HIP1: variants seen among roughly 807,000 people sequenced by gnomAD.
HIP1 encodes huntingtin interacting protein 1.
A neutral mutation model predicts 147.6 loss-of-function variants in HIP1; 65 were observed. That is an observed-to-expected ratio of 0.44 (90% CI 0.36 to 0.54). The LOEUF is 0.54. Among genes scored for constraint, HIP1 ranks in the 20% least tolerant of loss-of-function variants. HIP1 has a pLI of 0.00. For synonymous variants in HIP1, 479 were observed against 504.0 expected (o/e 0.95, Z 0.67); for missense variants, 1,061 against 1,299.6 (o/e 0.82, Z 2.82).
At chr7:75,612,176 T>G (rs807877) in intron 1 of HIP1, among the ~76,000 whole-genome samples, 1,739 of 152,186 alleles carry the variant, frequency 0.011, 20 homozygotes, top group Non-Finnish European at 0.014. Flanking sequence ...AAGGAAAACC[T>G]GAGAACAGGC....
At chr7:75,729,973 G>A (rs182991585) in intron 1 of HIP1, among the ~76,000 whole-genome samples, 296 of 152,234 alleles carry the variant, frequency 1.9e-3, no homozygotes, top group Non-Finnish European at 3.3e-3. Flanking sequence ...TCAACAGAAT[G>A]CGGCTGTGAG....
At chr7:75,693,582 A>T (rs1469893465) in intron 1 of HIP1, among the ~76,000 whole-genome samples, 1 of 152,118 alleles carries the variant, frequency 6.6e-6, no homozygotes, top group Non-Finnish European at 1.5e-5. Context: ...TAACAGACTA[A>T]AATGATTTTC....
intron 1 of HIP1, among the ~76,000 whole-genome samples, chr7:75,645,666 A>T (rs1798777972): frequency 6.6e-6 from 1 of 152,228 alleles, no homozygotes; most frequent in African/African-American, 2.4e-5. Flanking sequence ...ACTATTCACA[A>T]TAGTAAAGAC....
At chr7:75,585,540 G>A (rs1554499416) in intron 5 of HIP1, among the ~76,000 whole-genome samples, 3 of 151,660 alleles carry the variant, frequency 2.0e-5, no homozygotes, top group African/African-American at 2.4e-5. Flanking sequence ...ACCAGAGCCC[G>A]GTCCTCCCTC....
rs782338489 is a variant in HIP1, at chr7:75,563,243, C to A, written c.824G>T (p.Arg275Leu). Residue 275 changes from arginine (R) to leucine (L), a missense_variant, in exon 10 of 31, where the codon CGC becomes CTC. Physicochemically the swap from Arg to Leu is moderately radical, Grantham distance 102 (BLOSUM62 -2). Coordinates refer to ENST00000336926, the MANE Select transcript of HIP1 (RefSeq NM_005338.7). ...CTTGAAGTACTGCAGGTTGCTGGAG[C>A]GGTAGAACAGATCTTTCAACCTAGG... ...QFTKLKDLFY[R>L]SSNLQYFKRL... 1 of 1,614,130 alleles carries A rather than the reference C, an allele frequency of 6.2e-7. No homozygotes were observed.
intron 14 of HIP1, among the ~76,000 whole-genome samples, chr7:75,559,100 G>A (rs587741364): frequency 2.0e-5 from 3 of 152,254 alleles, no homozygotes; most frequent in Admixed American, 2.0e-4. Context: ...TTCTATGGGG[G>A]CTTTCAGCTT....
At chr7:75,667,536 A>G (rs1799598962) in intron 1 of HIP1, among the ~76,000 whole-genome samples, 1 of 152,198 alleles carries the variant, frequency 6.6e-6, no homozygotes, top group African/African-American at 2.4e-5. Flanking sequence ...CCCAGGCTGG[A>G]GGGCACTGGT....
intron 7 of HIP1, among the ~76,000 whole-genome samples, chr7:75,575,258 C>T (rs1185526858): frequency 1.3e-5 from 2 of 151,940 alleles, no homozygotes; most frequent in East Asian, 2.0e-4. Context: ...GTCAGTAGTT[C>T]GAGACCAGCC....
intron 1 of HIP1, among the ~76,000 whole-genome samples, chr7:75,669,669 T>C (rs575578708): frequency 1.3e-5 from 2 of 152,354 alleles, no homozygotes; most frequent in East Asian, 3.9e-4. Context: ...TCTGTCTCCA[T>C]GGATTTACCT....
At chr7:75,710,425 G>A (rs1348539456) in intron 1 of HIP1, among the ~76,000 whole-genome samples, 1 of 152,044 alleles carries the variant, frequency 6.6e-6, no homozygotes, top group Non-Finnish European at 1.5e-5. Flanking sequence ...ATATTTTATT[G>A]AAGATTTTTA....
chr7:75,533,715 A>T lies in HIP1; in HGVS notation c.*4457T>A, dbSNP rs782424740. ...TGGAAAAATCTACTCTCAGAATCGA[A>T]CCCAACAGCATTGAATTGTTTCCTG... is the stretch of plus-strand genomic sequence containing the variant. On this transcript the variant is annotated 3_prime_UTR_variant, in exon 31 of 31. Coordinates refer to ENST00000336926, the MANE Select transcript of HIP1 (RefSeq NM_005338.7). 6 of 232,570 alleles carry T rather than the reference A, an allele frequency of 2.6e-5. No homozygotes were observed. Among genetic ancestry groups the T allele is most frequent in the Non-Finnish European group, 5.1e-5 (6 of 117,706 alleles). The allele number at this position is 232,570 out of a possible 1,614,324, so 14.4% of individuals were successfully genotyped here. A position where few individuals can be genotyped will look rare whatever the true frequency, so the allele number is the denominator to read the frequency against.
chr7:75,582,227 C>A (rs1458476316), intron 5 of HIP1, 76 bp from the exon 6 acceptor site: 7 of 1,155,886 alleles, frequency 6.1e-6, no homozygotes, highest in Non-Finnish European at 2.6e-6. Flanking sequence ...TGGTGGCACA[C>A]GCCTGTGGTC....
chr7:75,557,874 A>G, intron 15 of HIP1, 104 bp from the exon 16 acceptor site: 2 of 839,708 alleles, frequency 2.4e-6, no homozygotes, highest in South Asian at 2.8e-5. Flanking sequence ...AGAGTCAGAC[A>G]CAGGAATCAC....
intron 1 of HIP1, among the ~76,000 whole-genome samples, chr7:75,718,158 G>A (rs1801380189): frequency 6.6e-6 from 1 of 151,468 alleles, no homozygotes; most frequent in African/African-American, 2.4e-5. Flanking sequence ...TTGCAAGGAA[G>A]CCTTATGGTA....
intron 1 of HIP1, among the ~76,000 whole-genome samples, chr7:75,689,076 C>T (rs1240975371): frequency 6.6e-6 from 1 of 152,086 alleles, no homozygotes. Flanking sequence ...AAAGGTAGGG[C>T]GCGGTGGCTC....
At chr7:75,539,185 G>T (rs988648483) in intron 30 of HIP1, 138 bp downstream of exon 30, 28 of 653,886 alleles carry the variant, frequency 4.3e-5, no homozygotes, top group Non-Finnish European at 6.6e-5. Flanking sequence ...GAGAAAACAG[G>T]TTCCATGAGG....
intron 16 of HIP1, 103 bp from the exon 17 acceptor site, chr7:75,556,914 CTACTG>C (rs1395519194): frequency 2.7e-6 from 2 of 741,522 alleles, no homozygotes; most frequent in Non-Finnish European, 4.7e-6. Context: ...TCTGTAAACT[CTACTG>C]TATGTAAGTT....
At position 75,729,883 on chromosome 7, in the gene HIP1, A is replaced by G. The variant is rs1554522790; in HGVS notation, c.120+8918T>C. ...AGAGGGCAGGCAGGATGAGATGACA[A>G]AAATCCAGGCAAGATGTAATAAGAG... On this transcript the variant is annotated intron_variant, in intron 1 of 30. Transcript: ENST00000336926. Among the ~76,000 whole-genome samples, 7 of 152,316 alleles carry G rather than the reference A, an allele frequency of 4.6e-5. No individual in the cohort carries two copies. In the South Asian group the frequency reaches 1.0e-3, roughly 23 times the overall value.
intron 5 of HIP1, among the ~76,000 whole-genome samples, chr7:75,584,021 C>CA (rs1479421325): frequency 4.0e-5 from 6 of 151,376 alleles, no homozygotes; most frequent in African/African-American, 7.3e-5. Flanking sequence ...AGTGCAATGG[C>CA]ATGATCTCAG....
Sources: gnomAD v4.1 joint callset for allele counts (sites outside exome capture counted in the v4.1 genomes callset) on GRCh38, gnomAD v4.1.1 for gene constraint, MANE v1.5 for transcripts, NCBI Gene and HGNC (gene_info 2026-07-23, HGNC 2026-07-21) for gene names.